Variants in ZNF37A observed in about 807,000 individuals in gnomAD.
ZNF37A encodes zinc finger protein 37A.
A neutral mutation model predicts 12.3 loss-of-function variants in ZNF37A; 10 were observed. The ratio of observed to expected loss-of-function variants is 0.82; its 90% CI spans 0.50 to 1.38. The LOEUF (loss-of-function observed/expected upper bound fraction) is 1.38. Ranked by LOEUF, ZNF37A falls within the 40% of genes most tolerant of loss-of-function variation. ZNF37A has a pLI of 0.00. For missense variants in ZNF37A, 580 were observed against 651.2 expected, an observed-to-expected ratio of 0.89 and a Z score of 1.19; for synonymous variants, 207 against 223.0, an observed-to-expected ratio of 0.93 and a Z score of 0.64.
intron 7 of ZNF37A, among the ~76,000 whole-genome samples, chr10:38,133,854 G>C (rs1234401778): frequency 6.6e-6 from 1 of 152,120 alleles, no homozygotes; most frequent in African/African-American, 2.4e-5. Context: ...TGGGTCAAAT[G>C]GTATTTCTAG....
In ZNF37A at chr10:38,119,723, T is replaced by C. The variant is rs2069580011; in HGVS notation, c.*886T>C. Reference sequence around the variant, plus strand: ...TTCAAAGGTTTATTGCTTAGCCATATGAAAAATAAGGGAAGATTTTTTAGC... The same window carrying C: ...TTCAAAGGTTTATTGCTTAGCCATACGAAAAATAAGGGAAGATTTTTTAGC... On this transcript the variant is annotated 3_prime_UTR_variant, in exon 8 of 8. Coordinates refer to ENST00000685332, the MANE Select transcript of ZNF37A (RefSeq NM_001324250.3). 6.6e-6 allele frequency: 1 copy of C among 152,266 alleles called. No individual in the cohort carries two copies. Among genetic ancestry groups the C allele is most frequent in the South Asian group, 2.1e-4 (1 of 4,832 alleles). 9.4% of individuals were successfully genotyped at this position (152,266 alleles called of 1,614,324 possible).
intron 7 of ZNF37A, chr10:38,138,703 A>C (rs1398427393): frequency 6.6e-6 from 1 of 152,194 alleles, no homozygotes; most frequent in African/African-American, 2.4e-5. Context: ...CTTAAAGCCA[A>C]TCCCCTGAGA....
chr10:38,125,573 C>A (rs2069912984), downstream of ZNF37A: 1 of 152,028 alleles, frequency 6.6e-6, no homozygotes, highest in Non-Finnish European at 1.5e-5. Flanking sequence ...CATAATTTTC[C>A]ACAGAACAGA....
chr10:38,146,863 G>A (rs2070262354), exon 8 of ZNF37A: 1 of 397,700 alleles, frequency 2.5e-6, no homozygotes, highest in Non-Finnish European at 4.4e-6. Context: ...AAAGTGCAAA[G>A]TGGGAATCGG....
chr10:38,129,299 C>CT (rs1389393856), downstream of ZNF37A, among the ~76,000 whole-genome samples: 2 of 49,160 alleles, frequency 4.1e-5, no homozygotes, highest in Admixed American at 4.2e-4. Context: ...GAGCAAGACT[C>CT]TGTCTAAAAA....
chr10:38,132,451 T>C (rs921330453), intron 7 of ZNF37A, among the ~76,000 whole-genome samples: 1 of 152,144 alleles, frequency 6.6e-6, no homozygotes, highest in Non-Finnish European at 1.5e-5. Context: ...CTGGGATAAA[T>C]GCTATTCACT....
chr10:38,133,670 C>T (rs1434754719), intron 7 of ZNF37A, among the ~76,000 whole-genome samples: 12 of 152,180 alleles, frequency 7.9e-5, no homozygotes, highest in African/African-American at 2.9e-4. Context: ...GCTGCATATA[C>T]TCCATGGTGT....
downstream of ZNF37A, among the ~76,000 whole-genome samples, chr10:38,126,682 G>T (rs940058079): frequency 1.3e-5 from 2 of 152,222 alleles, no homozygotes; most frequent in African/African-American, 4.8e-5. Context: ...GTCTAGGGCT[G>T]CTGTGATCGG....
At chr10:38,146,105 AAAAG>A (rs1209635589) in intron 7 of ZNF37A, among the ~76,000 whole-genome samples, 1 of 152,230 alleles carries the variant, frequency 6.6e-6, no homozygotes, top group Non-Finnish European at 1.5e-5. Context: ...GTCTCAAACA[AAAAG>A]AAAGAAACAA....
Position 38,118,304 on chromosome 10 carries a change from T to A in ZNF37A, c.1153T>A (p.Cys385Ser). Residue 385 changes from cysteine to serine, a missense_variant, in exon 8 of 8, where the codon TGC becomes AGC. Physicochemically the swap from Cys to Ser is moderately radical, Grantham distance 112. Coordinates refer to ENST00000685332, the MANE Select transcript of ZNF37A (RefSeq NM_001324250.3). Reference protein sequence around the residue: ...KTHTGEKPYECYACGKAFLRK... With the variant: ...KTHTGEKPYESYACGKAFLRK... ...ACACACAGGGGAGAAGCCCTATGAA[T>A]GCTATGCATGTGGGAAAGCCTTTCT... 6.2e-7 allele frequency: 1 copy of A among 1,613,956 alleles called. No individual in the cohort carries two copies. Among genetic ancestry groups the A allele is most frequent in the Non-Finnish European group, 8.5e-7 (1 of 1,179,994 alleles).
intron 7 of ZNF37A, chr10:38,115,513 A>C (rs2069200385): frequency 2.3e-6 from 1 of 441,188 alleles, no homozygotes; most frequent in African/African-American, 2.0e-5. Context: ...TTAAATTGTG[A>C]TATAAACTAT....
In ZNF37A at chr10:38,144,804, GTTT is replaced by G. The variant is rs1307788549; in HGVS notation, c.239-1927_239-1925del. 2.6e-5 allele frequency among the ~76,000 whole-genome samples: 4 copies of G among 152,138 alleles called. No homozygotes were observed. In the East Asian group the frequency reaches 7.7e-4, roughly 29 times the overall value. ...CAGTGAACCCAATGCCATGGGTGTG[GTTT>G]AAACCACCCCCATGGTTTAAACTAA... On this transcript the variant is annotated intron_variant, in intron 7 of 7. Transcript: ENST00000638053.
intron 5 of ZNF37A, among the ~76,000 whole-genome samples, chr10:38,113,088 G>A (rs955219834): frequency 5.3e-5 from 8 of 151,916 alleles, no homozygotes; most frequent in Non-Finnish European, 1.2e-4. Flanking sequence ...TTACAGGCAT[G>A]AGCCACCGCA....
At chr10:38,146,028 A>C (rs2070248935) in intron 7 of ZNF37A, among the ~76,000 whole-genome samples, 1 of 152,198 alleles carries the variant, frequency 6.6e-6, no homozygotes, top group African/African-American at 2.4e-5. Flanking sequence ...TGAACCTGGG[A>C]AGCAGAGATT....
rs1226692601 is a variant in ZNF37A at position 38,121,740 on chromosome 10, T to C, written c.*2903T>C. Reference sequence around the variant, plus strand: ...ATATAGGAACAAATAAATAAATTGTTGTGTGTGCACATATGCATATATTTT... The same window carrying C: ...ATATAGGAACAAATAAATAAATTGTCGTGTGTGCACATATGCATATATTTT... On this transcript the variant is annotated 3_prime_UTR_variant, in exon 8 of 8. Transcript: ENST00000685332. 1 of 152,190 alleles carries C rather than the reference T, an allele frequency of 6.6e-6. No individual in the cohort carries two copies. The highest frequency in any genetic ancestry group is 1.5e-5 in the Non-Finnish European group (1 of 68,042). The allele number at this position is 152,190 out of a possible 1,614,324, so 9.4% of individuals were successfully genotyped here.
At chr10:38,125,718 C>CT (rs1295266608), downstream of ZNF37A, among the ~76,000 whole-genome samples, 1 of 152,034 alleles carries the variant, frequency 6.6e-6, no homozygotes, top group South Asian at 2.1e-4. Context: ...GTTTATGGGG[C>CT]TTTTTTGGGG....
chr10:38,099,811 C>T (rs540574963), intron 5 of ZNF37A, among the ~76,000 whole-genome samples: 6 of 152,256 alleles, frequency 3.9e-5, no homozygotes, highest in African/African-American at 1.4e-4. Flanking sequence ...TGATAGCAGC[C>T]ATTGTAATGG....
At chr10:38,124,799 G>C (rs2069896903), downstream of ZNF37A, 2 of 152,146 alleles carry the variant, frequency 1.3e-5, no homozygotes, top group Admixed American at 1.3e-4. Flanking sequence ...TCCTCAAATT[G>C]TTCTATTAAT....
intron 7 of ZNF37A, chr10:38,143,879 G>A (rs2070219918): frequency 6.6e-6 from 1 of 152,256 alleles, no homozygotes; most frequent in Non-Finnish European, 1.5e-5. Context: ...TAGTAAGTGA[G>A]GTCAGCTGGG....
Sources: allele counts gnomAD v4.1 joint callset (sites outside exome capture counted in the v4.1 genomes callset), GRCh38; gene constraint gnomAD v4.1.1; transcripts MANE v1.5; gene names NCBI Gene and HGNC (gene_info 2026-07-23, HGNC 2026-07-21).